The following TRMT9B variants were observed in gnomAD, a reference collection of about 807,000 sequenced individuals.
The protein encoded by TRMT9B is probable tRNA methyltransferase 9B.
Under a neutral mutation model 11.5 loss-of-function variants are expected in TRMT9B, and 16 were observed. The observed-to-expected ratio is 1.39, with a 90% CI of 0.94 to 2.11. TRMT9B has a LOEUF of 2.11. Among genes scored for constraint, TRMT9B ranks in the 30% most tolerant of loss-of-function variants. The pLI is 0.00. For missense variants in TRMT9B, 941 were observed against 553.8 expected, an observed-to-expected ratio of 1.70 and a Z score of -7.02; for synonymous variants, 274 against 192.4, an observed-to-expected ratio of 1.42 and a Z score of -3.51.
chr8:13,009,972 C>T lies in TRMT9B; in HGVS notation c.155-2712C>T, dbSNP rs145105198. 7.7e-4 allele frequency among the ~76,000 whole-genome samples: 117 copies of T among 152,018 alleles called. 2 individuals are homozygous for T. The highest frequency in any genetic ancestry group is 2.6e-3 in the African/African-American group (108 of 41,464). On this transcript the variant is annotated intron_variant, in intron 3 of 4. Transcript: ENST00000524591. ...TGAAACCCCATCTCTACAAAAAATA[C>T]AACAACAGTAAAAATAATTAGCTAA...
At chr8:13,001,437 G>A (rs958576352) in intron 2 of TRMT9B, among the ~76,000 whole-genome samples, 4 of 152,140 alleles carry the variant, frequency 2.6e-5, no homozygotes, top group Admixed American at 6.5e-5. Flanking sequence ...AACGTTTACC[G>A]TCTCATACTT....
rs1456461383 is a variant in TRMT9B, at chr8:13,023,750, G to C, written c.*1706G>C. 6.0e-6 allele frequency: 1 copy of C among 166,500 alleles called. No homozygotes were observed. The highest frequency in any genetic ancestry group is 1.5e-5 in the Non-Finnish European group (1 of 68,066). 10.3% of individuals were successfully genotyped at this position (166,500 alleles called of 1,614,324 possible). A position where few individuals can be genotyped will look rare whatever the true frequency, so the allele number is the denominator to read the frequency against. On this transcript the variant is annotated 3_prime_UTR_variant, in exon 5 of 5. Coordinates refer to ENST00000524591, the MANE Select transcript of TRMT9B (RefSeq NM_020844.3). ...ACTAAAATAATAACGAATTTCATTTGTTCTTGGGTTCTTTTTTCCTTTAAT... is the reference window on the plus strand; with the variant it reads ...ACTAAAATAATAACGAATTTCATTTCTTCTTGGGTTCTTTTTTCCTTTAAT...
In TRMT9B at chr8:13,012,721, G is replaced by T; in HGVS notation, c.192G>T (p.Gln64His). 13 of 1,613,976 alleles carry T rather than the reference G, an allele frequency of 8.1e-6. No homozygotes were observed. Among genetic ancestry groups the T allele is most frequent in the Non-Finnish European group, 1.1e-5 (13 of 1,179,880 alleles). ...GAAAATATCTTAAAGTGAACAGCCA[G>T]GTACATACCGTGGGCTGTGACTACT... The part of the protein sequence containing the change: ...GTGKYLKVNS[Q>H]VHTVGCDYCG... The change falls in exon 4 of 5, where the codon CAG becomes CAT. Residue 64 changes from glutamine to histidine, a missense_variant. By Grantham distance (24) the Gln-to-His change is conservative. Coordinates refer to ENST00000524591, the MANE Select transcript of TRMT9B (RefSeq NM_020844.3).
intron 4 of TRMT9B, among the ~76,000 whole-genome samples, chr8:13,013,677 G>A (rs1268995457): frequency 1.3e-5 from 2 of 152,218 alleles, no homozygotes; most frequent in African/African-American, 4.8e-5. Flanking sequence ...ATTTGGCCGG[G>A]TGCAGCGGCT....
At chr8:12,964,117 T>C (rs531596380) in intron 1 of TRMT9B, among the ~76,000 whole-genome samples, 1 of 152,370 alleles carries the variant, frequency 6.6e-6, no homozygotes, top group African/African-American at 2.4e-5. Flanking sequence ...AGGTAGAATA[T>C]TGGCTTTTCT....
chr8:13,004,386 G>A (rs1415458293), intron 2 of TRMT9B, among the ~76,000 whole-genome samples: 2 of 151,698 alleles, frequency 1.3e-5, no homozygotes, highest in African/African-American at 4.8e-5. Flanking sequence ...AGGCTGCACA[G>A]CTCCTGGCTC....
At position 13,026,308 on chromosome 8, in the gene TRMT9B, A is replaced by G. The variant is rs1171711888; in HGVS notation, c.*4264A>G. The G allele has an allele frequency of 6.0e-6, 1 of 167,178 alleles. No homozygotes were observed. The highest frequency in any genetic ancestry group is 1.5e-5 in the Non-Finnish European group (1 of 68,162). The allele number at this position is 167,178 out of a possible 1,614,324, so 10.4% of individuals were successfully genotyped here. On this transcript the variant is annotated 3_prime_UTR_variant, in exon 5 of 5. Coordinates refer to ENST00000524591, the MANE Select transcript of TRMT9B (RefSeq NM_020844.3). ...AACCAAACACCGCATGTTCTCACTC[A>G]TAGGTGGGAATTGAACAATGAGAAC...
At chr8:12,947,444 T>A (rs1800320598) in intron 1 of TRMT9B, among the ~76,000 whole-genome samples, 1 of 152,172 alleles carries the variant, frequency 6.6e-6, no homozygotes, top group Admixed American at 6.5e-5. Flanking sequence ...TTTTGGTAAG[T>A]CTCCATTAAG....
At chr8:12,977,842 C>T (rs1046117970) in intron 1 of TRMT9B, among the ~76,000 whole-genome samples, 10 of 141,142 alleles carry the variant, frequency 7.1e-5, no homozygotes, top group Non-Finnish European at 1.4e-4. Flanking sequence ...TAGCAAGACC[C>T]TATCTCTACA....
chr8:12,971,158 TA>T (rs1803562156), intron 1 of TRMT9B, among the ~76,000 whole-genome samples: 1 of 152,218 alleles, frequency 6.6e-6, no homozygotes, highest in Admixed American at 6.5e-5. Context: ...AAATAGACAA[TA>T]AAGTTTTGTT....
At position 13,021,684 on chromosome 8, in the gene TRMT9B, A is replaced by G. The variant is rs750880447; in HGVS notation, c.1005A>G (p.Gly335=). 54 of 1,613,990 alleles carry G rather than the reference A, an allele frequency of 3.3e-5. 1 individual carries two copies. The Middle Eastern group carries it at 1.3e-3, about 39-fold the overall frequency. ...RAPGTLKHLN[G]DHQGEMRRNG... ...CAGGCACTCTGAAACATTTAAATGGAGACCATCAAGGGGAAATGAGGAGAA... is the reference window on the plus strand; with the variant it reads ...CAGGCACTCTGAAACATTTAAATGGGGACCATCAAGGGGAAATGAGGAGAA... Residue 335 remains glycine, a synonymous_variant, in exon 5 of 5, where the codon GGA becomes GGG. Transcript: ENST00000524591.
chr8:12,952,798 G>GGT, intron 1 of TRMT9B: 1 of 519,076 alleles, frequency 1.9e-6, no homozygotes, highest in East Asian at 1.5e-4. Flanking sequence ...GGAGTGCAAT[G>GGT]GCACGATCTC....
rs987344264 is a variant in TRMT9B at position 13,023,945 on chromosome 8, G to GA, written c.*1902dup. ...GTTGTCTGGTGAAAATGATGCATAT[G>GA]AGTTGTACTGTTCAGTGTACATCCT... On this transcript the variant is annotated 3_prime_UTR_variant, in exon 5 of 5. Coordinates refer to ENST00000524591, the MANE Select transcript of TRMT9B (RefSeq NM_020844.3). 2.4e-5 allele frequency: 4 copies of GA among 166,868 alleles called. No individual in the cohort carries two copies. The highest frequency in any genetic ancestry group is 9.7e-5 in the African/African-American group (4 of 41,430). The allele number at this position is 166,868 out of a possible 1,614,324, so 10.3% of individuals were successfully genotyped here.
chr8:12,983,076 T>C (rs796454065), intron 1 of TRMT9B, among the ~76,000 whole-genome samples: 13 of 152,306 alleles, frequency 8.5e-5, no homozygotes, highest in African/African-American at 3.1e-4. Flanking sequence ...TTTCCTGCTC[T>C]GTGGTGTAAA....
Position 12,967,626 on chromosome 8 carries a change from TAAC to T in TRMT9B, c.-200+21663_-200+21665del, listed in dbSNP as rs563421987. Reference sequence around the variant, plus strand: ...ATCCTTTCTAATTAAAGCAGCTCATTAACAATGGCAAAGCCTCCTGAGTTTTCA... The same window carrying T: ...ATCCTTTCTAATTAAAGCAGCTCATTAATGGCAAAGCCTCCTGAGTTTTCA... On this transcript the variant is annotated intron_variant, in intron 1 of 4. Transcript: ENST00000524591. Among the ~76,000 whole-genome samples the T allele has an allele frequency of 3.8e-4, 58 of 152,320 alleles. 2 individuals carry two copies. The East Asian group carries it at 9.2e-3, about 24-fold the overall frequency.
chr8:12,958,101 A>T (rs948447860), intron 1 of TRMT9B, among the ~76,000 whole-genome samples: 13 of 152,170 alleles, frequency 8.5e-5, no homozygotes, highest in African/African-American at 2.4e-4. Flanking sequence ...TCCTTTTGTG[A>T]TTAATTTATT....
In TRMT9B at chr8:13,023,875, T is replaced by A. The variant is rs1814326103; in HGVS notation, c.*1831T>A. The stretch of plus-strand genomic sequence containing the variant: ...AACGATTGATGTTTATAACTCTCTT[T>A]TGGCTTCAAAATAAGATTGTGTTAT... On this transcript the variant is annotated 3_prime_UTR_variant, in exon 5 of 5. Transcript: ENST00000524591. 6.0e-6 allele frequency: 1 copy of A among 167,040 alleles called. No homozygotes were observed. Among genetic ancestry groups the A allele is most frequent in the Non-Finnish European group, 1.5e-5 (1 of 68,122 alleles). The allele number at this position is 167,040 out of a possible 1,614,324, so 10.3% of individuals were successfully genotyped here.
rs372929039 is a variant in TRMT9B at position 13,021,417 on chromosome 8, G to A, written c.738G>A (p.Ser246=). ...GATTTTACAGCACATTAGGAAAATC[G>A]TTTCGTTCCTGGTTTTTCTCCAGAT... ...EYGFYSTLGK[S]FRSWFFSRSL... is the part of the protein sequence containing the mutation. Residue 246 remains serine, a synonymous_variant, in exon 5 of 5, where the codon TCG becomes TCA. Transcript: ENST00000524591. The A allele has an allele frequency of 1.9e-5, 31 of 1,613,878 alleles. No individual in the cohort carries two copies. Among genetic ancestry groups the A allele is most frequent in the Non-Finnish European group, 2.5e-5 (29 of 1,179,896 alleles).
At chr8:12,980,407 T>C (rs1161417858) in intron 1 of TRMT9B, among the ~76,000 whole-genome samples, 2 of 151,846 alleles carry the variant, frequency 1.3e-5, no homozygotes, top group African/African-American at 4.8e-5. Flanking sequence ...AAACCCTTTT[T>C]TCCAAATAAG....
Sources: allele counts gnomAD v4.1 joint callset (sites outside exome capture counted in the v4.1 genomes callset), GRCh38; gene constraint gnomAD v4.1.1; transcripts MANE v1.5; gene names NCBI Gene and HGNC (gene_info 2026-07-23, HGNC 2026-07-21).